Variants in LPP observed in about 807,000 individuals in gnomAD.
LPP encodes the protein lipoma-preferred partner.
A neutral mutation model predicts 60.4 loss-of-function variants in LPP; 38 were observed. The ratio of observed to expected loss-of-function variants is 0.63; its 90% CI spans 0.49 to 0.83. The LOEUF (loss-of-function observed/expected upper bound fraction) is 0.83. Ranked by LOEUF, LPP falls within the 40% of genes least tolerant of loss-of-function variation. LPP has a pLI of 0.00. For missense variants in LPP, 902 were observed against 783.6 expected (o/e 1.15, Z -1.80); for synonymous variants, 328 against 290.8 (o/e 1.13, Z -1.30).
chr3:188,184,687 T>G (rs1160604927), intron 1 of LPP, among the ~76,000 whole-genome samples: 1 of 87,168 alleles, frequency 1.1e-5, no homozygotes, highest in Non-Finnish European at 2.3e-5. Flanking sequence ...CCGGTAAACT[T>G]TTTTTTTTTT....
At chr3:188,521,196 TC>T (rs1431237952) in intron 5 of LPP, among the ~76,000 whole-genome samples, 1 of 152,094 alleles carries the variant, frequency 6.6e-6, no homozygotes, top group Non-Finnish European at 1.5e-5. Context: ...CACCCCACGC[TC>T]CCCTGTTATC....
In LPP at chr3:188,329,623, T is replaced by G. The variant is rs181680901; in HGVS notation, c.-66-12040T>G. ...AAACCTGTATAATTATTGAACTTTTTGGGAATAATTCCGTTTTTTAAAAAA... is the reference window on the plus strand; with the variant it reads ...AAACCTGTATAATTATTGAACTTTTGGGGAATAATTCCGTTTTTTAAAAAA... On this transcript the variant is annotated intron_variant, in intron 2 of 11. Transcript: ENST00000617246. 3.5e-4 allele frequency among the ~76,000 whole-genome samples: 53 copies of G among 152,180 alleles called. No homozygotes were observed. In the East Asian group the frequency reaches 9.1e-3, roughly 26 times the overall value.
At chr3:188,341,293 C>T (rs1363411810) in intron 2 of LPP, among the ~76,000 whole-genome samples, 1 of 152,200 alleles carries the variant, frequency 6.6e-6, no homozygotes, top group Non-Finnish European at 1.5e-5. Flanking sequence ...CAAATTCATG[C>T]CCTGCCAGAT....
rs149029574 is a variant in LPP at position 188,789,483 on chromosome 3, C to T, written c.1410+29201C>T. Among the ~76,000 whole-genome samples, 12 of 152,304 alleles carry T rather than the reference C, an allele frequency of 7.9e-5. No individual in the cohort carries two copies. The East Asian group carries it at 2.1e-3, about 27-fold the overall frequency. On this transcript the variant is annotated intron_variant, in intron 9 of 11. Transcript: ENST00000617246. ...ACTTTATGACAGTAAGCACTTACCT[C>T]GTTCTGTCACATGGTGTGGCCAGAT... is the stretch of plus-strand genomic sequence containing the variant.
intron 2 of LPP, among the ~76,000 whole-genome samples, chr3:188,269,997 G>A (rs984796245): frequency 1.4e-4 from 17 of 119,738 alleles, no homozygotes; most frequent in Admixed American, 9.8e-4. Flanking sequence ...TTTTCTTATC[G>A]TTTCTTTTCT....
chr3:188,187,269 C>T (rs1012058067), intron 1 of LPP, among the ~76,000 whole-genome samples: 10 of 152,080 alleles, frequency 6.6e-5, no homozygotes, highest in Non-Finnish European at 1.0e-4. Flanking sequence ...TTGCTTAATA[C>T]AGGGCTAAGT....
intron 7 of LPP, among the ~76,000 whole-genome samples, chr3:188,613,924 T>TTTATTTATTTAG (rs1553944504): frequency 6.7e-6 from 1 of 150,106 alleles, no homozygotes; most frequent in East Asian, 1.9e-4. Context: ...TATTTATTTA[T>TTTATTTATTTAG]TTATTTATTT....
At chr3:188,284,809 A>C (rs1285344905) in intron 2 of LPP, among the ~76,000 whole-genome samples, 1 of 151,996 alleles carries the variant, frequency 6.6e-6, no homozygotes, top group Admixed American at 6.5e-5. Flanking sequence ...CCTCGGCCCC[A>C]TTTCCTGCCC....
At chr3:188,278,650 C>T (rs534969855) in intron 2 of LPP, among the ~76,000 whole-genome samples, 2 of 152,248 alleles carry the variant, frequency 1.3e-5, no homozygotes, top group South Asian at 2.1e-4. Context: ...GATCTCCTCT[C>T]GGTGTTTCTC....
intron 1 of LPP, among the ~76,000 whole-genome samples, chr3:188,194,587 G>A: frequency 6.6e-6 from 1 of 152,164 alleles, no homozygotes; most frequent in South Asian, 2.1e-4. Flanking sequence ...AAATCAGGTT[G>A]ACCACAACTT....
chr3:188,622,794 C>A (rs1376935804), intron 7 of LPP, among the ~76,000 whole-genome samples: 1 of 151,970 alleles, frequency 6.6e-6, no homozygotes, highest in Non-Finnish European at 1.5e-5. Context: ...CTTTGGGAGA[C>A]CGAGGCAGGC....
At chr3:188,442,828 A>G (rs1794336953) in intron 4 of LPP, among the ~76,000 whole-genome samples, 1 of 152,178 alleles carries the variant, frequency 6.6e-6, no homozygotes, top group South Asian at 2.1e-4. Flanking sequence ...TACATGTCAG[A>G]TTGAGGGGTT....
At chr3:188,179,036 GAC>G (rs1379987087) in intron 1 of LPP, 3 of 217,960 alleles carry the variant, frequency 1.4e-5, no homozygotes, top group Non-Finnish European at 1.8e-5. Context: ...GAGGGAGAGA[GAC>G]AGAGAGAGAG....
intron 4 of LPP, among the ~76,000 whole-genome samples, chr3:188,415,724 C>G (rs946159346): frequency 1.5e-5 from 2 of 134,382 alleles, no homozygotes; most frequent in Non-Finnish European, 3.1e-5. Context: ...AGACAAAGCT[C>G]TAGAGATAAA....
chr3:188,451,950 G>A (rs1796684203), intron 4 of LPP, among the ~76,000 whole-genome samples: 1 of 152,174 alleles, frequency 6.6e-6, no homozygotes, highest in Admixed American at 6.5e-5. Flanking sequence ...CAGAACACTA[G>A]GAGATGTTTG....
At chr3:188,809,128 G>A (rs966627367) in intron 9 of LPP, among the ~76,000 whole-genome samples, 3 of 152,114 alleles carry the variant, frequency 2.0e-5, no homozygotes, top group African/African-American at 7.2e-5. Context: ...TTGAAAAATA[G>A]TGCTGCAGTA....
At chr3:188,514,444 T>TC (rs1553918357) in intron 5 of LPP, among the ~76,000 whole-genome samples, 3 of 132,506 alleles carry the variant, frequency 2.3e-5, no homozygotes, top group Admixed American at 7.9e-5. Context: ...TTATTTTATT[T>TC]TTTTTTTTAT....
At chr3:188,763,371 T>C (rs1733051965) in intron 9 of LPP, among the ~76,000 whole-genome samples, 1 of 152,122 alleles carries the variant, frequency 6.6e-6, no homozygotes, top group Non-Finnish European at 1.5e-5. Flanking sequence ...TAATGTAAAT[T>C]AAATTTACTT....
intron 9 of LPP, among the ~76,000 whole-genome samples, chr3:188,763,017 G>GGT (rs1050564928): frequency 1.3e-5 from 2 of 152,152 alleles, no homozygotes; most frequent in African/African-American, 4.8e-5. Context: ...AGTGTAAGGA[G>GGT]GTTGAGGAAA....
Sources: allele counts gnomAD v4.1 joint callset (sites outside exome capture counted in the v4.1 genomes callset), GRCh38; gene constraint gnomAD v4.1.1; transcripts MANE v1.5; gene names NCBI Gene and HGNC (gene_info 2026-07-23, HGNC 2026-07-21).